BBOF1: variants seen among roughly 807,000 people sequenced by gnomAD.
The protein encoded by BBOF1 is basal body orientation factor 1.
BBOF1 carries 62 observed loss-of-function variants against 68.0 expected under a neutral mutation model. That is an observed-to-expected ratio of 0.91 (90% CI 0.74 to 1.13). The LOEUF (loss-of-function observed/expected upper bound fraction) is 1.13. Ranked by LOEUF, BBOF1 falls within the 50% of genes most tolerant of loss-of-function variation. The probability of loss-of-function intolerance (pLI) is 0.00; values close to 1 mark genes in which losing one functional copy is unlikely to be tolerated. For synonymous variants in BBOF1, 208 were observed against 198.8 expected, an observed-to-expected ratio of 1.05 and a Z score of -0.39; for missense variants, 534 against 600.1, an observed-to-expected ratio of 0.89 and a Z score of 1.15.
chr14:74,048,638 C>T (rs2060001106), intron 7 of BBOF1: 1 of 151,996 alleles, frequency 6.6e-6, no homozygotes, highest in Admixed American at 6.6e-5. Context: ...GTGTGCCTCT[C>T]GTTTAAGAGG....
intron 2 of BBOF1, among the ~76,000 whole-genome samples, chr14:74,028,039 T>C (rs1466844610): frequency 6.6e-6 from 1 of 152,128 alleles, no homozygotes; most frequent in Non-Finnish European, 1.5e-5. Flanking sequence ...AATTTTATAG[T>C]GCTTGTAAAA....
At chr14:74,069,701 C>A (rs572142897), downstream of BBOF1, among the ~76,000 whole-genome samples, 1 of 151,924 alleles carries the variant, frequency 6.6e-6, no homozygotes, top group South Asian at 2.1e-4. Context: ...TGCAGCGAGC[C>A]GAGATTGTGC....
In BBOF1 at chr14:74,053,061, T is replaced by TA. The variant is rs575589932; in HGVS notation, c.1287-2517dup. ...ATAATAATAAATAAAATAAATTTTT[T>TA]AAAAAATGAAGTATATGGTAATCAT... On this transcript the variant is annotated intron_variant, in intron 8 of 11. Coordinates refer to ENST00000394009, the MANE Select transcript of BBOF1 (RefSeq NM_025057.3). Among the ~76,000 whole-genome samples the TA allele has an allele frequency of 5.9e-5, 9 of 152,098 alleles. No individual in the cohort carries two copies. The East Asian group carries it at 1.7e-3, about 29-fold the overall frequency.
At chr14:74,021,953 G>C (rs1422508186) in intron 1 of BBOF1, among the ~76,000 whole-genome samples, 1 of 152,040 alleles carries the variant, frequency 6.6e-6, no homozygotes, top group African/African-American at 2.4e-5. Context: ...GGGTAAAGTG[G>C]GTGGGAGATC....
intron 7 of BBOF1, 124 bp downstream of exon 7, chr14:74,048,198 G>C: frequency 1.2e-6 from 1 of 862,142 alleles, no homozygotes; most frequent in Non-Finnish European, 1.7e-6. Context: ...CTGTCTGGAT[G>C]ATGCACTTTT....
In BBOF1 at chr14:74,023,108, T is replaced by G. The variant is rs928847949; in HGVS notation, c.249T>G (p.Ser83Arg). ...KMEKDIMSVL[S>R]YLKKQDQEKD... ...AGAAAGACATAATGTCAGTATTAAGTTACCTGAAGAAGCAGGATCAGGAGA... is the reference window on the plus strand; with the variant it reads ...AGAAAGACATAATGTCAGTATTAAGGTACCTGAAGAAGCAGGATCAGGAGA... The change falls in exon 2 of 12, where the codon AGT (serine) becomes AGG (arginine). Residue 83 changes from serine (S) to arginine (R), a missense_variant. Ser to Arg is a moderately radical substitution (Grantham distance 110, BLOSUM62 -1). Transcript: ENST00000394009. 1.3e-6 allele frequency: 2 copies of G among 1,592,728 alleles called. No homozygotes were observed. Among genetic ancestry groups the G allele is most frequent in the East Asian group, 4.5e-5 (2 of 44,390 alleles).
At chr14:74,053,839 G>A (rs2060123374) in intron 8 of BBOF1, among the ~76,000 whole-genome samples, 1 of 151,190 alleles carries the variant, frequency 6.6e-6, no homozygotes, top group Non-Finnish European at 1.5e-5. Context: ...AGCCTCCCGA[G>A]GAGCTGGGAC....
At chr14:74,058,622 C>T (rs2060272376) in intron 11 of BBOF1, 1 of 150,566 alleles carries the variant, frequency 6.6e-6, no homozygotes, top group African/African-American at 2.5e-5. Flanking sequence ...ATACTTAATT[C>T]ATGAATAACC....
chr14:74,050,043 G>A lies in BBOF1; in HGVS notation c.1134G>A (p.Arg378=), dbSNP rs1263449194. 2.5e-6 allele frequency: 4 copies of A among 1,613,982 alleles called. No individual in the cohort carries two copies. The highest frequency in any genetic ancestry group is 3.4e-6 in the Non-Finnish European group (4 of 1,180,032). The change falls in exon 8 of 12, where the codon AGG becomes AGA. Residue 378 remains arginine (R), a synonymous_variant. Transcript: ENST00000394009. ...TGAAGCAACAGATCCTAATTAGCAG[G>A]AAGCATTATAAGCAGATAGCACAAG... ...HQVKQQILIS[R]KHYKQIAQAA...
At chr14:74,022,450 A>G (rs139739279) in intron 1 of BBOF1, among the ~76,000 whole-genome samples, 49 of 152,216 alleles carry the variant, frequency 3.2e-4, no homozygotes, top group African/African-American at 1.2e-3. Context: ...TGGGAGGCTG[A>G]GGTGGGTGGA....
At chr14:74,067,351 C>T, downstream of BBOF1, 2 of 1,612,054 alleles carry the variant, frequency 1.2e-6, no homozygotes, top group Non-Finnish European at 1.7e-6. Context: ...GATGCAAAAT[C>T]TAAGGGGGCA....
chr14:74,061,802 A>T (rs188501756), intron 11 of BBOF1, among the ~76,000 whole-genome samples: 39 of 152,318 alleles, frequency 2.6e-4, no homozygotes, highest in Admixed American at 1.6e-3. Context: ...GATATAGTTT[A>T]TAAGAGTAGG....
chr14:74,040,929 C>T (rs1002854426), intron 5 of BBOF1: 37 of 401,200 alleles, frequency 9.2e-5, no homozygotes, highest in Non-Finnish European at 1.3e-5. Context: ...GCTATGTGTA[C>T]TCCCATTATA....
intron 11 of BBOF1, among the ~76,000 whole-genome samples, chr14:74,061,952 G>T (rs768756956): frequency 3.4e-5 from 5 of 146,134 alleles, no homozygotes; most frequent in Non-Finnish European, 7.5e-5. Context: ...GCTCACACTT[G>T]TAATATCAGC....
chr14:74,075,898 A>C (rs2060607787), intron 9 of BBOF1, among the ~76,000 whole-genome samples: 1 of 152,154 alleles, frequency 6.6e-6, no homozygotes, highest in African/African-American at 2.4e-5. Context: ...ACTACTCAGC[A>C]AAAAAAGGAA....
At chr14:74,060,979 T>C (rs766817937) in intron 11 of BBOF1, among the ~76,000 whole-genome samples, 3 of 152,006 alleles carry the variant, frequency 2.0e-5, no homozygotes, top group Admixed American at 6.6e-5. Flanking sequence ...AAACTAGTAT[T>C]TCTTTCTTTT....
At chr14:74,029,740 C>A (rs1380088320) in intron 3 of BBOF1, among the ~76,000 whole-genome samples, 1 of 150,570 alleles carries the variant, frequency 6.6e-6, no homozygotes, top group African/African-American at 2.4e-5. Flanking sequence ...TTGTAAAAAA[C>A]CATATAATAT....
At chr14:74,051,015 G>T (rs1384993125) in intron 8 of BBOF1, among the ~76,000 whole-genome samples, 1 of 151,942 alleles carries the variant, frequency 6.6e-6, no homozygotes, top group African/African-American at 2.4e-5. Context: ...AGGCCGAGGA[G>T]GGTGGATCGC....
Position 74,034,105 on chromosome 14 carries a change from C to T in BBOF1, c.429C>T (p.His143=). The change falls in exon 4 of 12, where the codon CAC becomes CAT. Residue 143 remains histidine, a synonymous_variant. Coordinates refer to ENST00000394009, the MANE Select transcript of BBOF1 (RefSeq NM_025057.3). ...AAGCCAAAGAAATTGGCATGATTCACACAGAGCTGAAAGCAGTAAGACAAT... is the reference window on the plus strand; with the variant it reads ...AAGCCAAAGAAATTGGCATGATTCATACAGAGCTGAAAGCAGTAAGACAAT... ...HQKAKEIGMI[H]TELKAVRQFQ... 2 of 1,604,366 alleles carry T rather than the reference C, an allele frequency of 1.2e-6. No homozygotes were observed. The highest frequency in any genetic ancestry group is 1.7e-6 in the Non-Finnish European group (2 of 1,175,672).
Sources: gnomAD v4.1 joint callset for allele counts (sites outside exome capture counted in the v4.1 genomes callset) on GRCh38, gnomAD v4.1.1 for gene constraint, MANE v1.5 for transcripts, NCBI Gene and HGNC (gene_info 2026-07-23, HGNC 2026-07-21) for gene names.